Variants in PCDH15 observed in about 807,000 individuals in gnomAD.
PCDH15 encodes protocadherin related 15, also known as protocadherin-15.
A neutral mutation model predicts 178.5 loss-of-function variants in PCDH15; 129 were observed. That is an observed-to-expected ratio of 0.72 (90% CI 0.63 to 0.84). PCDH15 has a LOEUF of 0.84. Ranked by LOEUF, PCDH15 falls within the 40% of genes least tolerant of loss-of-function variation. The pLI is 0.00. For synonymous variants in PCDH15, 800 were observed against 732.0 expected (o/e 1.09, Z -1.50); for missense variants, 2,230 against 2,099.9 (o/e 1.06, Z -1.21).
chr10:55,504,491 A>C (rs1164840297), intron 2 of PCDH15, among the ~76,000 whole-genome samples: 1 of 151,392 alleles, frequency 6.6e-6, no homozygotes, highest in African/African-American at 2.4e-5. Context: ...TCTAAAGTTA[A>C]GACATTTAGG....
intron 2 of PCDH15, among the ~76,000 whole-genome samples, chr10:54,904,794 A>C (rs548246904): frequency 6.6e-6 from 1 of 151,836 alleles, no homozygotes; most frequent in South Asian, 2.1e-4. Flanking sequence ...ACTCTAATCA[A>C]TTTCCATGTG....
At chr10:55,494,901 T>C (rs982657907) in intron 2 of PCDH15, among the ~76,000 whole-genome samples, 7 of 151,816 alleles carry the variant, frequency 4.6e-5, no homozygotes, top group African/African-American at 1.7e-4. Flanking sequence ...CTAAACAAAG[T>C]GATGTACTGT....
At chr10:53,900,307 G>T (rs550074695) in intron 26 of PCDH15, among the ~76,000 whole-genome samples, 4 of 145,260 alleles carry the variant, frequency 2.8e-5, no homozygotes, top group Non-Finnish European at 6.0e-5. Context: ...ATATTATATT[G>T]CATGAAGTTG....
At chr10:55,161,365 T>G (rs1191546629) in intron 2 of PCDH15, among the ~76,000 whole-genome samples, 1 of 152,096 alleles carries the variant, frequency 6.6e-6, no homozygotes, top group African/African-American at 2.4e-5. Flanking sequence ...TAAAACTACC[T>G]CTGCATAATA....
chr10:54,264,117 G>A (rs572534930), intron 8 of PCDH15, among the ~76,000 whole-genome samples: 2 of 152,046 alleles, frequency 1.3e-5, no homozygotes, highest in Admixed American at 6.6e-5. Flanking sequence ...TTTGGGACTC[G>A]GACTGCCTTC....
At chr10:54,903,506 A>C (rs910946132) in intron 2 of PCDH15, among the ~76,000 whole-genome samples, 1 of 152,112 alleles carries the variant, frequency 6.6e-6, no homozygotes, top group Non-Finnish European at 1.5e-5. Context: ...TATTGTAACT[A>C]CAAAAACAAA....
At chr10:54,225,916 A>T (rs553831139) in intron 9 of PCDH15, among the ~76,000 whole-genome samples, 43 of 152,192 alleles carry the variant, frequency 2.8e-4, no homozygotes, top group Non-Finnish European at 4.7e-4. Flanking sequence ...CTTGAGGGAG[A>T]TGTGACAAGT....
chr10:54,798,868 T>C (rs1023924528), intron 1 of PCDH15, among the ~76,000 whole-genome samples: 3 of 152,282 alleles, frequency 2.0e-5, no homozygotes, highest in South Asian at 2.1e-4. Flanking sequence ...GCTATTGTTT[T>C]ACACCATTTA....
intron 26 of PCDH15, among the ~76,000 whole-genome samples, chr10:53,876,298 C>G (rs2080237544): frequency 1.3e-5 from 2 of 151,886 alleles, no homozygotes; most frequent in Admixed American, 6.6e-5. Flanking sequence ...AGCGATTCCC[C>G]TGCCTCAGCC....
chr10:54,342,458 A>G (rs1942421904), intron 6 of PCDH15, among the ~76,000 whole-genome samples: 1 of 152,190 alleles, frequency 6.6e-6, no homozygotes, highest in Admixed American at 6.5e-5. Context: ...GGGAACCTCC[A>G]CCTTGGTTTC....
intron 2 of PCDH15, among the ~76,000 whole-genome samples, chr10:55,380,663 A>G (rs1837511236): frequency 6.6e-6 from 1 of 151,934 alleles, no homozygotes; most frequent in Non-Finnish European, 1.5e-5. Flanking sequence ...ACCTCAATCC[A>G]CCTCTGCATT....
intron 2 of PCDH15, among the ~76,000 whole-genome samples, chr10:54,571,744 A>G (rs2133588989): frequency 6.6e-6 from 1 of 152,316 alleles, no homozygotes; most frequent in South Asian, 2.1e-4. Flanking sequence ...TTTACTAAAC[A>G]CATACTTCAC....
intron 20 of PCDH15, among the ~76,000 whole-genome samples, chr10:54,000,326 A>G (rs1289740788): frequency 2.6e-5 from 4 of 152,158 alleles, no homozygotes; most frequent in African/African-American, 9.7e-5. Context: ...GAAGTCACCA[A>G]ATGAACTAAA....
intron 2 of PCDH15, among the ~76,000 whole-genome samples, chr10:55,619,391 T>C (rs1194016118): frequency 5.3e-5 from 8 of 151,922 alleles, no homozygotes; most frequent in South Asian, 4.1e-4. Flanking sequence ...CAAACAAAAG[T>C]CTTAAAATTA....
chr10:54,159,086 G>T (rs1449020029), intron 13 of PCDH15, among the ~76,000 whole-genome samples: 4 of 146,472 alleles, frequency 2.7e-5, no homozygotes, highest in Admixed American at 6.9e-5. Flanking sequence ...TCCAGCCTGG[G>T]TGACAGAGTG....
At chr10:55,022,004 G>A (rs1840342534) in intron 2 of PCDH15, among the ~76,000 whole-genome samples, 1 of 152,148 alleles carries the variant, frequency 6.6e-6, no homozygotes, top group South Asian at 2.1e-4. Context: ...AAAGTAGAGA[G>A]TAGAATGATA....
At chr10:54,228,384 A>G (rs1047107168) in intron 9 of PCDH15, among the ~76,000 whole-genome samples, 8 of 152,132 alleles carry the variant, frequency 5.3e-5, no homozygotes, top group Non-Finnish European at 8.8e-5. Context: ...CTTATTCACT[A>G]TCACAATAAC....
intron 2 of PCDH15, among the ~76,000 whole-genome samples, chr10:54,642,216 C>T (rs2094007355): frequency 6.6e-6 from 1 of 152,124 alleles, no homozygotes. Flanking sequence ...AGACCACTGT[C>T]AATGAATCAG....
rs1842910822 is a variant in PCDH15, at chr10:55,594,978, G to A, written c.-156+32647C>T. ...TGATTTCTAGATCTGTTGGGAACTGGCTGCCTTACTTAATGTAACAGTCTT... is the reference window on the plus strand; with the variant it reads ...TGATTTCTAGATCTGTTGGGAACTGACTGCCTTACTTAATGTAACAGTCTT... On this transcript the variant is annotated intron_variant, in intron 2 of 5. Coordinates refer to the PCDH15 transcript ENST00000613346. Among the ~76,000 whole-genome samples, 4 of 151,956 alleles carry A rather than the reference G, an allele frequency of 2.6e-5. No individual in the cohort carries two copies. The South Asian group carries it at 8.3e-4, about 32-fold the overall frequency.
Sources: allele counts gnomAD v4.1 joint callset (sites outside exome capture counted in the v4.1 genomes callset), GRCh38; gene constraint gnomAD v4.1.1; transcripts MANE v1.5; gene names NCBI Gene and HGNC (gene_info 2026-07-23, HGNC 2026-07-21).